The following JAM3 variants were observed in gnomAD, a reference collection of about 807,000 sequenced individuals.
JAM3 encodes the protein junctional adhesion molecule C.
Under a neutral mutation model 39.4 loss-of-function variants are expected in JAM3, and 31 were observed. The ratio of observed to expected loss-of-function variants is 0.79; its 90% CI spans 0.59 to 1.06. The LOEUF is 1.06. JAM3 is among the 50% of genes least tolerant of loss of function. The pLI, the probability that JAM3 is intolerant of heterozygous loss-of-function variation, is 0.00. For missense variants in JAM3, 455 were observed against 391.4 expected (o/e 1.16, Z -1.37); for synonymous variants, 182 against 148.7 (o/e 1.22, Z -1.63).
chr11:134,108,658 G>A (rs948156458), intron 1 of JAM3, among the ~76,000 whole-genome samples: 1 of 152,134 alleles, frequency 6.6e-6, no homozygotes, highest in Non-Finnish European at 1.5e-5. Flanking sequence ...ATGAAAATCA[G>A]TTAATGTAAT....
chr11:134,074,400 A>G (rs1330368536), intron 1 of JAM3, among the ~76,000 whole-genome samples: 1 of 152,218 alleles, frequency 6.6e-6, no homozygotes, highest in African/African-American at 2.4e-5. Flanking sequence ...GTAATGGGAA[A>G]ATATAATTTG....
At chr11:134,099,387 T>G (rs2120674694) in intron 1 of JAM3, among the ~76,000 whole-genome samples, 1 of 152,212 alleles carries the variant, frequency 6.6e-6, no homozygotes, top group South Asian at 2.1e-4. Context: ...TCATTTTCTT[T>G]TTCTCTCCTA....
chr11:134,145,162 A>G, intron 5 of JAM3, 168 bp downstream of exon 5: 1 of 676,006 alleles, frequency 1.5e-6, no homozygotes, highest in South Asian at 1.7e-5. Context: ...TCCTTTTATA[A>G]ACAAGTACAT....
intron 1 of JAM3, among the ~76,000 whole-genome samples, chr11:134,101,024 A>C (rs1485797364): frequency 6.6e-6 from 1 of 152,238 alleles, no homozygotes; most frequent in Admixed American, 6.5e-5. Context: ...CAGCCAGGAT[A>C]CATGTTGCTG....
chr11:134,121,158 C>G (rs1942524621), intron 1 of JAM3, among the ~76,000 whole-genome samples: 1 of 152,128 alleles, frequency 6.6e-6, no homozygotes, highest in Non-Finnish European at 1.5e-5. Flanking sequence ...GGACTGTGCT[C>G]CAGGGCGTGA....
chr11:134,075,672 C>A (rs1187243094), intron 1 of JAM3, among the ~76,000 whole-genome samples: 2 of 152,184 alleles, frequency 1.3e-5, no homozygotes, highest in Admixed American at 6.5e-5. Context: ...AGGGATCCTA[C>A]TGCCTTAGCC....
chr11:134,092,318 A>T (rs1591776348), intron 1 of JAM3, among the ~76,000 whole-genome samples: 1 of 150,100 alleles, frequency 6.7e-6, no homozygotes, highest in Admixed American at 6.6e-5. Flanking sequence ...TCACTTCCTG[A>T]GGGAAGCTTC....
chr11:134,122,698 T>C (rs150626667), intron 1 of JAM3, among the ~76,000 whole-genome samples: 1 of 152,300 alleles, frequency 6.6e-6, no homozygotes, highest in East Asian at 1.9e-4. Flanking sequence ...ACTTTACATA[T>C]AGGGGGCAGT....
At chr11:134,144,057 C>T (rs1243860251) in intron 3 of JAM3, among the ~76,000 whole-genome samples, 184 bp from the exon 4 acceptor site, 2 of 152,062 alleles carry the variant, frequency 1.3e-5, no homozygotes, top group Non-Finnish European at 2.9e-5. Context: ...GTTTAGGTTA[C>T]AGATAGGAAT....
intron 1 of JAM3, among the ~76,000 whole-genome samples, chr11:134,137,525 G>C (rs1288725757): frequency 6.6e-6 from 1 of 152,212 alleles, no homozygotes; most frequent in Admixed American, 6.5e-5. Context: ...TCACCTCTCA[G>C]GTCCTTGATG....
At chr11:134,124,999 C>T (rs1389894967) in intron 1 of JAM3, among the ~76,000 whole-genome samples, 2 of 152,248 alleles carry the variant, frequency 1.3e-5, no homozygotes, top group Admixed American at 1.3e-4. Flanking sequence ...CGACACCCCC[C>T]AGCCTCAGCG....
chr11:134,136,435 C>T (rs1942866634), intron 1 of JAM3, among the ~76,000 whole-genome samples: 1 of 152,232 alleles, frequency 6.6e-6, no homozygotes, highest in Admixed American at 6.5e-5. Context: ...AATCCTCACA[C>T]TACCATTCTT....
At chr11:134,137,256 TATAAAG>T (rs1312659501) in intron 1 of JAM3, among the ~76,000 whole-genome samples, 1 of 152,242 alleles carries the variant, frequency 6.6e-6, no homozygotes, top group Non-Finnish European at 1.5e-5. Context: ...CCAAGTTTAT[TATAAAG>T]ATACATATCT....
At chr11:134,140,884 C>A in intron 3 of JAM3, 114 bp downstream of exon 3, 2 of 1,303,250 alleles carry the variant, frequency 1.5e-6, no homozygotes, top group East Asian at 2.8e-5. Context: ...TAGCTAGGAC[C>A]GTTTTTTTTT....
At chr11:134,146,574 A>G (rs1433742638) in intron 6 of JAM3, among the ~76,000 whole-genome samples, 1 of 152,010 alleles carries the variant, frequency 6.6e-6, no homozygotes, top group African/African-American at 2.4e-5. Flanking sequence ...TAAAAAACAA[A>G]AAACAAAAAA....
At chr11:134,103,885 A>C (rs1942127842) in intron 1 of JAM3, among the ~76,000 whole-genome samples, 1 of 152,170 alleles carries the variant, frequency 6.6e-6, no homozygotes, top group Non-Finnish European at 1.5e-5. Context: ...CTACAAAGAG[A>C]CTTAGACTCC....
Position 134,142,973 on chromosome 11 carries a change from A to G in JAM3, c.257-1268A>G, listed in dbSNP as rs556500409. Among the ~76,000 whole-genome samples, 10 of 152,236 alleles carry G rather than the reference A, an allele frequency of 6.6e-5. No homozygotes were observed. The South Asian group carries it at 2.1e-3, about 32-fold the overall frequency. Reference sequence around the variant, plus strand: ...CTGAATAATGTTCCATTGTAGATATACCACATTATTTTACCCATTCTATTG... The same window carrying G: ...CTGAATAATGTTCCATTGTAGATATGCCACATTATTTTACCCATTCTATTG... On this transcript the variant is annotated intron_variant, in intron 3 of 8. Coordinates refer to ENST00000299106, the MANE Select transcript of JAM3 (RefSeq NM_032801.5).
chr11:134,092,306 C>G (rs532455395), intron 1 of JAM3, among the ~76,000 whole-genome samples: 71 of 150,392 alleles, frequency 4.7e-4, no homozygotes, highest in African/African-American at 1.6e-3. Flanking sequence ...CCACCTTAAA[C>G]GTCACTTCCT....
intron 3 of JAM3, 75 bp downstream of exon 3, chr11:134,140,845 ACTTACC>A (rs1483487757): frequency 1.3e-6 from 2 of 1,542,588 alleles, no homozygotes; most frequent in Admixed American, 3.9e-5. Flanking sequence ...TTGGCCAGAA[ACTTACC>A]TCAGACTGGT....
Sources: gnomAD v4.1 joint callset for allele counts (sites outside exome capture counted in the v4.1 genomes callset) on GRCh38, gnomAD v4.1.1 for gene constraint, MANE v1.5 for transcripts, NCBI Gene and HGNC (gene_info 2026-07-23, HGNC 2026-07-21) for gene names.